BMS1: variants seen among roughly 807,000 people sequenced by gnomAD.
The protein encoded by BMS1 is BMS1 ribosome biogenesis factor, also known as ribosome biogenesis protein BMS1 homolog.
Under a neutral mutation model 138.7 loss-of-function variants are expected in BMS1, and 53 were observed. The ratio of observed to expected loss-of-function variants is 0.38; its 90% CI spans 0.31 to 0.48. The LOEUF (loss-of-function observed/expected upper bound fraction) is 0.48, where lower values mean the gene tolerates loss of function less well. Ranked by LOEUF, BMS1 falls within the 20% of genes least tolerant of loss-of-function variation. BMS1 has a pLI of 0.97. For synonymous variants in BMS1, 504 were observed against 539.9 expected (o/e 0.93, Z 0.92); for missense variants, 1,360 against 1,565.5 (o/e 0.87, Z 2.22).
chr10:42,792,744 C>T, intron 7 of BMS1, 130 bp downstream of exon 7: 1 of 1,431,320 alleles, frequency 7.0e-7, no homozygotes, highest in Non-Finnish European at 9.4e-7. Context: ...AGTAAGCCAC[C>T]TATGTGTAGG....
At position 42,831,546 on chromosome 10, in the gene BMS1, G is replaced by A. The variant is rs1384639335; in HGVS notation, c.*450G>A. 6.0e-6 allele frequency: 1 copy of A among 167,408 alleles called. No individual in the cohort carries two copies. Among genetic ancestry groups the A allele is most frequent in the Non-Finnish European group, 1.3e-5 (1 of 78,806 alleles). The allele number at this position is 167,408 out of a possible 1,614,324, so 10.4% of individuals were successfully genotyped here. Reference sequence around the variant, plus strand: ...CTGAGCTCCCATGGAAGATTTTAGAGAATAGTGTGTAGTGTTTTTGTTTTG... The same window carrying A: ...CTGAGCTCCCATGGAAGATTTTAGAAAATAGTGTGTAGTGTTTTTGTTTTG... On this transcript the variant is annotated 3_prime_UTR_variant, in exon 23 of 23. Coordinates refer to ENST00000374518, the MANE Select transcript of BMS1 (RefSeq NM_014753.4).
Position 42,802,787 on chromosome 10 carries a change from T to C in BMS1, c.2329+569T>C, listed in dbSNP as rs182880983. ...TTTTATTATTTAAAATTAAAAAATA[T>C]TTTATTTAAAATAAATAAAATATTA... On this transcript the variant is annotated intron_variant, in intron 13 of 22. Transcript: ENST00000374518. 2.0e-5 allele frequency among the ~76,000 whole-genome samples: 3 copies of C among 150,614 alleles called. No individual in the cohort carries two copies. In the East Asian group the frequency reaches 5.9e-4, roughly 30 times the overall value.
At chr10:42,802,692 T>G (rs1481376177) in intron 13 of BMS1, among the ~76,000 whole-genome samples, 1 of 151,800 alleles carries the variant, frequency 6.6e-6, no homozygotes, top group African/African-American at 2.4e-5. Flanking sequence ...TATATAATTT[T>G]TGGCAGGAGG....
intron 15 of BMS1, among the ~76,000 whole-genome samples, chr10:42,817,785 A>G (rs1472480247): frequency 6.6e-6 from 1 of 152,186 alleles, no homozygotes; most frequent in African/African-American, 2.4e-5. Context: ...TGGTCTTACA[A>G]TGTAGTGATC....
chr10:42,817,240 T>G lies in BMS1; in HGVS notation c.2404-78T>G, dbSNP rs901106992. The G allele has an allele frequency of 5.3e-6, 6 of 1,138,650 alleles. No individual in the cohort carries two copies. The African/African-American group carries it at 9.5e-5, about 18-fold the overall frequency. The allele number at this position is 1,138,650 out of a possible 1,614,324, so 70.5% of individuals were successfully genotyped here. A position where few individuals can be genotyped will look rare whatever the true frequency, so the allele number is the denominator to read the frequency against. ...ATTTTTGCTAAGATTCTTGTTTAAATAGAACTTTAAAAAAGCTAATGTTTA... is the reference window on the plus strand; with the variant it reads ...ATTTTTGCTAAGATTCTTGTTTAAAGAGAACTTTAAAAAAGCTAATGTTTA... On this transcript the variant is annotated intron_variant, in intron 14 of 22. Coordinates refer to ENST00000374518, the MANE Select transcript of BMS1 (RefSeq NM_014753.4).
intron 13 of BMS1, among the ~76,000 whole-genome samples, chr10:42,806,396 C>A (rs1002035572): frequency 2.6e-5 from 4 of 152,286 alleles, no homozygotes; most frequent in African/African-American, 9.6e-5. Context: ...TCAAAGTAAA[C>A]AACCTTGCTT....
chr10:42,786,268 A>G (rs1227934054), intron 3 of BMS1, among the ~76,000 whole-genome samples: 3 of 152,138 alleles, frequency 2.0e-5, no homozygotes, highest in African/African-American at 4.8e-5. Flanking sequence ...TCCTGTGAGA[A>G]TTGTCTGCTT....
intron 21 of BMS1, among the ~76,000 whole-genome samples, chr10:42,825,371 T>A (rs2132389701): frequency 6.6e-6 from 1 of 152,356 alleles, no homozygotes; most frequent in African/African-American, 2.4e-5. Context: ...GTGTTAAATC[T>A]GTATATTTGC....
At chr10:42,828,349 G>T (rs1212697082) in intron 21 of BMS1, among the ~76,000 whole-genome samples, 1 of 152,186 alleles carries the variant, frequency 6.6e-6, no homozygotes, top group Non-Finnish European at 1.5e-5. Flanking sequence ...TCCATTGATG[G>T]GTAAAATGAT....
intron 9 of BMS1, 126 bp from the exon 10 acceptor site, chr10:42,796,348 C>A: frequency 1.8e-6 from 2 of 1,131,422 alleles, no homozygotes; most frequent in Non-Finnish European, 1.2e-6. Context: ...TTTCCCTATG[C>A]TATGTCATCT....
Position 42,832,652 on chromosome 10 carries a change from A to G in BMS1, c.*1556A>G, listed in dbSNP as rs1171222546. 6.6e-6 allele frequency: 1 copy of G among 152,138 alleles called. No individual in the cohort carries two copies. The highest frequency in any genetic ancestry group is 1.5e-5 in the Non-Finnish European group (1 of 68,036). The allele number at this position is 152,138 out of a possible 1,614,324, so 9.4% of individuals were successfully genotyped here. A position where few individuals can be genotyped will look rare whatever the true frequency, so the allele number is the denominator to read the frequency against. ...CTCTAAAAGCCTAAAGTCTGTAGGC[A>G]GGTGCTCAGCTTTGTATCTCCATAA... On this transcript the variant is annotated 3_prime_UTR_variant, in exon 23 of 23. Coordinates refer to ENST00000374518, the MANE Select transcript of BMS1 (RefSeq NM_014753.4).
At chr10:42,806,722 G>A (rs1371193504) in intron 13 of BMS1, among the ~76,000 whole-genome samples, 3 of 136,860 alleles carry the variant, frequency 2.2e-5, no homozygotes, top group East Asian at 2.1e-4. Flanking sequence ...GCGACAGCAC[G>A]AGACTCCGTC....
rs371870243 is a variant in BMS1, at chr10:42,785,611, C to T, written c.306C>T (p.Leu102=). ...GAAAGAGCACTTTGATACAATGCCT[C>T]ATTCGGAACTTTACCCGGCAGAAGT... The part of the protein sequence containing the change: ...KVGKSTLIQC[L]IRNFTRQKLT... Residue 102 remains leucine (L), a synonymous_variant, in exon 3 of 23, where the codon CTC becomes CTT. Transcript: ENST00000374518. 1.2e-6 allele frequency: 2 copies of T among 1,613,924 alleles called. No homozygotes were observed. The highest frequency in any genetic ancestry group is 1.7e-6 in the Non-Finnish European group (2 of 1,179,856).
intron 13 of BMS1, among the ~76,000 whole-genome samples, chr10:42,806,180 C>T (rs1409815508): frequency 6.6e-6 from 1 of 152,164 alleles, no homozygotes; most frequent in Non-Finnish European, 1.5e-5. Context: ...GCTTCCAATT[C>T]TGCTTTGACC....
chr10:42,820,264 A>T lies in BMS1; in HGVS notation c.2609A>T (p.Asp870Val). The T allele has an allele frequency of 1.2e-6, 2 of 1,613,168 alleles. No individual in the cohort carries two copies. Among genetic ancestry groups the T allele is most frequent in the Non-Finnish European group, 1.7e-6 (2 of 1,179,876 alleles). ...AATCGCGCAGAATTTGAAGATCAAG[A>T]TGATGAAGCCAGAGTTCAGTATGAG... The part of the protein sequence containing the change: ...QLNRAEFEDQ[D>V]DEARVQYEGF... Residue 870 changes from aspartate to valine, a missense_variant, in exon 16 of 23, where the codon GAT (aspartate) becomes GTT (valine). Coordinates refer to ENST00000374518, the MANE Select transcript of BMS1 (RefSeq NM_014753.4).
At chr10:42,807,640 A>AT (rs1323971487) in intron 13 of BMS1, among the ~76,000 whole-genome samples, 2 of 151,896 alleles carry the variant, frequency 1.3e-5, no homozygotes, top group African/African-American at 2.4e-5. Flanking sequence ...CCTGGCTAAT[A>AT]TTTTTTTATT....
intron 11 of BMS1, 49 bp from the exon 12 acceptor site, chr10:42,798,419 T>C: frequency 1.2e-6 from 2 of 1,611,434 alleles, no homozygotes; most frequent in Non-Finnish European, 1.7e-6. Flanking sequence ...ATGAGTCCTC[T>C]AGGGCTGTAA....
chr10:42,783,192 A>G (rs1841211838), intron 1 of BMS1, among the ~76,000 whole-genome samples: 3 of 152,122 alleles, frequency 2.0e-5, no homozygotes, highest in African/African-American at 7.2e-5. Flanking sequence ...ACTAAAATAT[A>G]GCAGAGAAGA....
chr10:42,827,635 C>T (rs1337648374), intron 21 of BMS1, among the ~76,000 whole-genome samples: 1 of 152,186 alleles, frequency 6.6e-6, no homozygotes, highest in Non-Finnish European at 1.5e-5. Context: ...ATCCCCTCTG[C>T]TTCAGGCTGA....
Sources: gnomAD v4.1 joint callset for allele counts (sites outside exome capture counted in the v4.1 genomes callset) on GRCh38, gnomAD v4.1.1 for gene constraint, MANE v1.5 for transcripts, NCBI Gene and HGNC (gene_info 2026-07-23, HGNC 2026-07-21) for gene names.